STXBP5L: variants seen among roughly 807,000 people sequenced by gnomAD.
STXBP5L encodes syntaxin binding protein 5L, also known as syntaxin-binding protein 5-like.
In STXBP5L, 65 loss-of-function variants were observed where a neutral mutation model predicts 144.5. The ratio of observed to expected loss-of-function variants is 0.45; its 90% CI spans 0.37 to 0.55. The LOEUF (loss-of-function observed/expected upper bound fraction) is 0.55, where lower values mean the gene tolerates loss of function less well. Among genes scored for constraint, STXBP5L ranks in the 20% least tolerant of loss-of-function variants. The pLI, the probability that STXBP5L is intolerant of heterozygous loss-of-function variation, is 0.00. For synonymous variants in STXBP5L, 505 were observed against 469.6 expected (o/e 1.08, Z -0.97); for missense variants, 1,298 against 1,405.5 (o/e 0.92, Z 1.22).
intron 9 of STXBP5L, among the ~76,000 whole-genome samples, chr3:121,197,073 C>G (rs562313072): frequency 6.6e-6 from 1 of 152,170 alleles, no homozygotes; most frequent in Non-Finnish European, 1.5e-5. Context: ...AAGCTGCATA[C>G]TGGAGTTTTT....
chr3:121,397,888 T>C (rs1175911772), intron 22 of STXBP5L, among the ~76,000 whole-genome samples: 1 of 152,212 alleles, frequency 6.6e-6, no homozygotes, highest in African/African-American at 2.4e-5. Context: ...GCAGGTTGAA[T>C]TGGCCACGCA....
intron 5 of STXBP5L, among the ~76,000 whole-genome samples, chr3:121,106,851 T>C (rs1210102179): frequency 2.6e-5 from 4 of 152,128 alleles, no homozygotes; most frequent in Non-Finnish European, 4.4e-5. Flanking sequence ...CTAATTTACA[T>C]TCCCACCAAC....
At chr3:121,007,388 G>A (rs1012410907) in intron 3 of STXBP5L, among the ~76,000 whole-genome samples, 3 of 151,560 alleles carry the variant, frequency 2.0e-5, no homozygotes, top group African/African-American at 7.3e-5. Context: ...ATAAAATTCT[G>A]GCCTCAAATT....
intron 7 of STXBP5L, among the ~76,000 whole-genome samples, chr3:121,138,812 CAG>C (rs1491077071): frequency 2.0e-5 from 3 of 151,558 alleles, no homozygotes; most frequent in African/African-American, 7.3e-5. Flanking sequence ...TGGAAGAAAA[CAG>C]GGGAAATGCT....
chr3:120,971,810 A>G (rs1054715653), intron 3 of STXBP5L, among the ~76,000 whole-genome samples: 8 of 151,522 alleles, frequency 5.3e-5, no homozygotes, highest in South Asian at 2.1e-4. Flanking sequence ...ATATATATAT[A>G]TGTCTGTGCC....
At chr3:121,386,948 A>C (rs1285640819) in intron 22 of STXBP5L, among the ~76,000 whole-genome samples, 1 of 152,106 alleles carries the variant, frequency 6.6e-6, no homozygotes, top group Non-Finnish European at 1.5e-5. Flanking sequence ...TCAAATGGTA[A>C]TTCTAGTTCC....
At chr3:121,287,016 A>T (rs1459364069) in intron 19 of STXBP5L, among the ~76,000 whole-genome samples, 1 of 152,126 alleles carries the variant, frequency 6.6e-6, no homozygotes, top group Non-Finnish European at 1.5e-5. Context: ...AAAGAATTTC[A>T]GAGATCTACA....
At chr3:120,955,131 G>A in intron 3 of STXBP5L, 94 bp downstream of exon 3, 1 of 907,276 alleles carries the variant, frequency 1.1e-6, no homozygotes, top group Non-Finnish European at 1.6e-6. Flanking sequence ...ACCAAATAAA[G>A]TTTATTATTT....
At chr3:121,278,884 G>C (rs2050963748) in intron 18 of STXBP5L, among the ~76,000 whole-genome samples, 2 of 151,352 alleles carry the variant, frequency 1.3e-5, no homozygotes, top group Non-Finnish European at 1.5e-5. Context: ...ATGTGAATTA[G>C]CAAAACATCT....
chr3:121,256,007 G>A (rs1054480300), intron 16 of STXBP5L, among the ~76,000 whole-genome samples: 10 of 152,072 alleles, frequency 6.6e-5, no homozygotes, highest in Non-Finnish European at 1.3e-4. Context: ...GATAAACCTA[G>A]GTTTTAATTC....
chr3:121,290,467 A>G (rs993833985), intron 19 of STXBP5L, among the ~76,000 whole-genome samples: 3 of 152,182 alleles, frequency 2.0e-5, no homozygotes, highest in Non-Finnish European at 4.4e-5. Flanking sequence ...GCTGAATTCT[A>G]TCAGACATTC....
At chr3:121,176,992 G>A (rs899182536) in intron 9 of STXBP5L, among the ~76,000 whole-genome samples, 1 of 151,932 alleles carries the variant, frequency 6.6e-6, no homozygotes, top group African/African-American at 2.4e-5. Context: ...GACCTACTTT[G>A]TGTCTGGGAA....
chr3:121,280,323 C>A (rs551037129), intron 19 of STXBP5L, among the ~76,000 whole-genome samples: 9 of 151,986 alleles, frequency 5.9e-5, no homozygotes, highest in African/African-American at 1.9e-4. Flanking sequence ...GGTTAACTTT[C>A]TTCTAAAATA....
chr3:121,185,017 A>T (rs1398574995), intron 9 of STXBP5L, among the ~76,000 whole-genome samples: 1 of 152,110 alleles, frequency 6.6e-6, no homozygotes, highest in Non-Finnish European at 1.5e-5. Context: ...AAATGCTGAT[A>T]TTGCCACCAC....
At chr3:120,992,466 T>C (rs564420240) in intron 3 of STXBP5L, among the ~76,000 whole-genome samples, 35 of 152,198 alleles carry the variant, frequency 2.3e-4, no homozygotes, top group African/African-American at 8.2e-4. Flanking sequence ...GCAGCCTTCC[T>C]CACCTCTGTT....
At chr3:121,005,327 G>A (rs569330006) in intron 3 of STXBP5L, among the ~76,000 whole-genome samples, 1 of 152,272 alleles carries the variant, frequency 6.6e-6, no homozygotes, top group East Asian at 1.9e-4. Context: ...AGATTTTCTA[G>A]TTTATTTGCA....
chr3:121,397,424 G>T (rs1214202729), intron 22 of STXBP5L, among the ~76,000 whole-genome samples: 1 of 152,102 alleles, frequency 6.6e-6, no homozygotes, highest in Admixed American at 6.5e-5. Flanking sequence ...TTTTCTAATT[G>T]TTCAGTAACT....
intron 19 of STXBP5L, among the ~76,000 whole-genome samples, chr3:121,311,240 A>T (rs1321413212): frequency 6.6e-6 from 1 of 152,224 alleles, no homozygotes; most frequent in Non-Finnish European, 1.5e-5. Flanking sequence ...GATATTGAGC[A>T]ATTGGAACTC....
chr3:121,276,817 T>C (rs2108433176), intron 18 of STXBP5L, among the ~76,000 whole-genome samples: 1 of 152,066 alleles, frequency 6.6e-6, no homozygotes, highest in Admixed American at 6.5e-5. Context: ...GATGCCTTTT[T>C]GTTTTTCTTC....
Sources: gnomAD v4.1 joint callset for allele counts (sites outside exome capture counted in the v4.1 genomes callset) on GRCh38, gnomAD v4.1.1 for gene constraint, MANE v1.5 for transcripts, NCBI Gene and HGNC (gene_info 2026-07-23, HGNC 2026-07-21) for gene names.